The following CYP46A1 variants were observed in gnomAD, a reference collection of about 807,000 sequenced individuals.
The protein encoded by CYP46A1 is cytochrome P450 family 46 subfamily A member 1.
In CYP46A1, 20 loss-of-function variants were observed where a neutral mutation model predicts 63.3. The observed-to-expected ratio is 0.32, with a 90% confidence interval of 0.22 to 0.46. The LOEUF (loss-of-function observed/expected upper bound fraction) is 0.46. Among genes scored for constraint, CYP46A1 ranks in the 20% least tolerant of loss-of-function variants. The probability of loss-of-function intolerance (pLI) is 1.00; values close to 1 mark genes in which losing one functional copy is unlikely to be tolerated. For missense variants in CYP46A1, 445 were observed against 670.8 expected (o/e 0.66, Z 3.72); for synonymous variants, 268 against 273.6 (o/e 0.98, Z 0.20).
At chr14:99,689,709 GA>G (rs754063823) in intron 1 of CYP46A1, among the ~76,000 whole-genome samples, 4 of 152,200 alleles carry the variant, frequency 2.6e-5, no homozygotes, top group Non-Finnish European at 4.4e-5. Context: ...AGAGCATTCA[GA>G]ATCTGACCTC....
chr14:99,694,411 A>T, intron 3 of CYP46A1, among the ~76,000 whole-genome samples: 3 of 109,232 alleles, frequency 2.7e-5, no homozygotes, highest in South Asian at 2.8e-4. Flanking sequence ...CAAAAGGTTT[A>T]TCAATTTTAT....
intron 5 of CYP46A1, among the ~76,000 whole-genome samples, chr14:99,702,578 T>A (rs1367690455): frequency 6.6e-6 from 1 of 152,188 alleles, no homozygotes; most frequent in Non-Finnish European, 1.5e-5. Flanking sequence ...TGTAAGGGAC[T>A]CTTATATATC....
At chr14:99,716,077 T>C in intron 8 of CYP46A1, 60 bp from the exon 9 acceptor site, 1 of 1,612,350 alleles carries the variant, frequency 6.2e-7, no homozygotes, top group Non-Finnish European at 8.5e-7. Flanking sequence ...AGTTATTTTA[T>C]GAGCCATGGG....
chr14:99,691,243 C>T, intron 2 of CYP46A1, 82 bp downstream of exon 2: 2 of 1,331,650 alleles, frequency 1.5e-6, no homozygotes, highest in Non-Finnish European at 2.2e-6. Flanking sequence ...CACACAGACT[C>T]CCAGCCTCAC....
At chr14:99,699,964 C>CGGGGGGGGGGGGGGGGGGG in intron 4 of CYP46A1, 51 bp from the exon 5 acceptor site, 2 of 773,852 alleles carry the variant, frequency 2.6e-6, no homozygotes, top group Non-Finnish European at 4.2e-6. Context: ...ATCAAGCAGT[C>CGGGGGGGGGGGGGGGGGGG]GCTCCCCACC....
chr14:99,714,194 T>C (rs2056765766), intron 7 of CYP46A1, among the ~76,000 whole-genome samples: 1 of 152,200 alleles, frequency 6.6e-6, no homozygotes, highest in South Asian at 2.1e-4. Flanking sequence ...CCAGTTAGAA[T>C]GGCTATTATC....
rs557127125 is a variant in CYP46A1, at chr14:99,725,454, G to A, written c.1240G>A (p.Asp414Asn). Residue 414 changes from aspartate (D) to asparagine (N), a missense_variant, in exon 13 of 15, where the codon GAT (aspartate) becomes AAT (asparagine). Coordinates refer to ENST00000261835, the MANE Select transcript of CYP46A1 (RefSeq NM_006668.2). This position sits in a 1 kb window ranked among gnomAD's most constrained non-coding sequence, Gnocchi z 4.2. ...YFEDPLTFNP[D>N]RFGPGAPKPR... The stretch of plus-strand genomic sequence containing the variant: ...TGAGGACCCGCTGACTTTCAACCCC[G>A]ATCGCTTCGGCCCTGGAGCACCCAA... 3.7e-6 allele frequency: 6 copies of A among 1,613,956 alleles called. No individual in the cohort carries two copies. The highest frequency in any genetic ancestry group is 2.2e-5 in the East Asian group (1 of 44,874).
At chr14:99,695,144 G>T (rs2056576318) in intron 3 of CYP46A1, among the ~76,000 whole-genome samples, 1 of 152,128 alleles carries the variant, frequency 6.6e-6, no homozygotes, top group Non-Finnish European at 1.5e-5. Flanking sequence ...TGTAAAGTCA[G>T]AGAGAATACT....
chr14:99,699,540 G>C lies in CYP46A1; in HGVS notation c.356+1G>C. ...CGCTCCAGACTGTGTTTGGTGAGAGGTAAGGAGGTATGGTGGAAGGCCTGG... is the reference window on the plus strand; with the variant it reads ...CGCTCCAGACTGTGTTTGGTGAGAGCTAAGGAGGTATGGTGGAAGGCCTGG... On this transcript the variant is annotated splice_donor_variant, in intron 4 of 14. Coordinates refer to ENST00000261835, the MANE Select transcript of CYP46A1 (RefSeq NM_006668.2). LOFTEE classifies it high-confidence loss of function. 1 of 1,614,150 alleles carries C rather than the reference G, an allele frequency of 6.2e-7. No homozygotes were observed. Among genetic ancestry groups the C allele is most frequent in the South Asian group, 1.1e-5 (1 of 91,082 alleles).
chr14:99,718,051 C>T lies in CYP46A1; in HGVS notation c.908-3C>T. On this transcript the variant is annotated splice_polypyrimidine_tract_variant and splice_region_variant and intron_variant, in intron 9 of 14. Coordinates refer to ENST00000261835, the MANE Select transcript of CYP46A1 (RefSeq NM_006668.2). ...GAGCAACCACCGTCCTCCCTTCCCACAGGTCACGAGACCTCTGCCAACCAC... is the reference window on the plus strand; with the variant it reads ...GAGCAACCACCGTCCTCCCTTCCCATAGGTCACGAGACCTCTGCCAACCAC... The T allele has an allele frequency of 6.2e-7, 1 of 1,613,322 alleles. No individual in the cohort carries two copies. The highest frequency in any genetic ancestry group is 2.2e-5 in the East Asian group (1 of 44,880).
Position 99,725,335 on chromosome 14 carries a change from A to G in CYP46A1, c.1177-56A>G, listed in dbSNP as rs977269695. 6.1e-6 allele frequency: 9 copies of G among 1,479,296 alleles called. No homozygotes were observed. Among genetic ancestry groups the G allele is most frequent in the Middle Eastern group, 1.7e-4 (1 of 5,824 alleles). 91.6% of individuals were successfully genotyped at this position (1,479,296 alleles called of 1,614,324 possible). A position where few individuals can be genotyped will look rare whatever the true frequency, so the allele number is the denominator to read the frequency against. On this transcript the variant is annotated intron_variant, in intron 12 of 14. Coordinates refer to ENST00000261835, the MANE Select transcript of CYP46A1 (RefSeq NM_006668.2). The surrounding 1 kb of genome is among the most constrained non-coding windows in gnomAD (Gnocchi z 4.2). Reference sequence around the variant, plus strand: ...CCTGTTGGGTGGCCTCAGTGGCTCAAGAGGTGCCAGGGGAACAACCTGGGA... The same window carrying G: ...CCTGTTGGGTGGCCTCAGTGGCTCAGGAGGTGCCAGGGGAACAACCTGGGA...
chr14:99,726,164 C>A, intron 13 of CYP46A1, 26 bp from the exon 14 acceptor site: 3 of 1,609,650 alleles, frequency 1.9e-6, no homozygotes, highest in East Asian at 4.5e-5. Flanking sequence ...GGCTGCTGGC[C>A]TCGTGATTCC....
intron 2 of CYP46A1, 184 bp from the exon 3 acceptor site, chr14:99,691,591 TGACTC>T (rs2056543637): frequency 3.3e-6 from 2 of 606,088 alleles, no homozygotes; most frequent in East Asian, 5.5e-5. Flanking sequence ...CTGGGGGACA[TGACTC>T]GGCAAGTGAG....
chr14:99,712,107 C>G (rs889186002), intron 7 of CYP46A1: 1 of 152,130 alleles, frequency 6.6e-6, no homozygotes, highest in Non-Finnish European at 1.5e-5. Context: ...TAAAAACTCT[C>G]AACGAATTAT....
intron 3 of CYP46A1, among the ~76,000 whole-genome samples, chr14:99,696,776 A>AT (rs1003018197): frequency 2.6e-5 from 4 of 152,114 alleles, no homozygotes; most frequent in African/African-American, 7.2e-5. Flanking sequence ...ATGTCTAATG[A>AT]TTTTTTATTG....
At chr14:99,691,301 G>A (rs898855915) in intron 2 of CYP46A1, 140 bp downstream of exon 2, 6 of 790,010 alleles carry the variant, frequency 7.6e-6, no homozygotes, top group African/African-American at 6.9e-5. Context: ...CCTCCCCTGA[G>A]TGGAGGCAGG....
At chr14:99,713,553 A>G (rs1404638665) in intron 7 of CYP46A1, 1 of 152,132 alleles carries the variant, frequency 6.6e-6, no homozygotes, top group Non-Finnish European at 1.5e-5. Flanking sequence ...TTTATAGCTA[A>G]GACTTCAAAA....
intron 3 of CYP46A1, among the ~76,000 whole-genome samples, chr14:99,693,391 G>A (rs920988583): frequency 2.0e-5 from 3 of 152,192 alleles, no homozygotes; most frequent in East Asian, 1.9e-4. Context: ...AAAGACTTTC[G>A]TGATGCTTAA....
chr14:99,726,643 G>A lies in CYP46A1; in HGVS notation c.1419G>A (p.Gln473=). The A allele has an allele frequency of 6.4e-7, 1 of 1,559,852 alleles. No homozygotes were observed. The highest frequency in any genetic ancestry group is 8.7e-7 in the Non-Finnish European group (1 of 1,154,262). The change falls in exon 15 of 15, where the codon CAG becomes CAA. Residue 473 remains glutamine (Q), a synonymous_variant. Transcript: ENST00000261835. The part of the protein sequence containing the change: ...VPGQRFGLQE[Q]ATLKPLDPVL... ...GGCAGCGCTTCGGGCTGCAGGAGCA[G>A]GCCACACTCAAGCCACTGGACCCCG...
Sources: allele counts gnomAD v4.1 joint callset (sites outside exome capture counted in the v4.1 genomes callset), GRCh38; gene constraint gnomAD v4.1.1; non-coding constraint Gnocchi (gnomAD v3.1); transcripts MANE v1.5; gene names NCBI Gene and HGNC (gene_info 2026-07-23, HGNC 2026-07-21).